The following MAGI2 variants were observed in gnomAD, a reference collection of about 807,000 sequenced individuals.
MAGI2 encodes the protein membrane-associated guanylate kinase, WW and PDZ domain-containing protein 2.
In MAGI2, 35 loss-of-function variants were observed where a neutral mutation model predicts 133.3. That is an observed-to-expected ratio of 0.26 (90% CI 0.20 to 0.35). MAGI2 has a LOEUF of 0.35. Ranked by LOEUF, MAGI2 falls within the 10% of genes least tolerant of loss-of-function variation. The pLI is 1.00. For synonymous variants in MAGI2, 729 were observed against 710.6 expected, an observed-to-expected ratio of 1.03 and a Z score of -0.41; for missense variants, 1,636 against 1,863.4, an observed-to-expected ratio of 0.88 and a Z score of 2.25.
At chr7:78,669,472 A>G (rs1814067620) in intron 2 of MAGI2, among the ~76,000 whole-genome samples, 1 of 152,204 alleles carries the variant, frequency 6.6e-6, no homozygotes, top group Admixed American at 6.5e-5. Context: ...ATGGATTCAC[A>G]GCCAAATTCT....
At chr7:79,160,112 T>C (rs1824210656) in intron 1 of MAGI2, among the ~76,000 whole-genome samples, 1 of 152,100 alleles carries the variant, frequency 6.6e-6, no homozygotes, top group East Asian at 1.9e-4. Context: ...TATAGTCATG[T>C]TAAACCCTCT....
At chr7:78,070,644 ATTTTT>A (rs376515864) in intron 21 of MAGI2, among the ~76,000 whole-genome samples, 55,108 of 133,834 alleles carry the variant, frequency 0.41, 12,329 homozygotes, top group East Asian at 0.63. Flanking sequence ...ATATATATAT[ATTTTT>A]TTTTTTTTTT....
chr7:78,958,034 C>T (rs1802546821), intron 2 of MAGI2, among the ~76,000 whole-genome samples: 2 of 152,114 alleles, frequency 1.3e-5, no homozygotes, highest in South Asian at 2.1e-4. Flanking sequence ...CCGACTAAGC[C>T]ACCCAATTAA....
chr7:78,575,257 T>G (rs1162418629), intron 3 of MAGI2, among the ~76,000 whole-genome samples: 1 of 152,126 alleles, frequency 6.6e-6, no homozygotes, highest in Non-Finnish European at 1.5e-5. Context: ...AATAATAAAG[T>G]ATTGGATTAT....
chr7:79,193,411 C>G (rs1326735274), intron 1 of MAGI2, among the ~76,000 whole-genome samples: 1 of 151,844 alleles, frequency 6.6e-6, no homozygotes, highest in Non-Finnish European at 1.5e-5. Context: ...GAAATACAAA[C>G]AGTTGAATTA....
chr7:78,651,869 A>C (rs550786337), intron 2 of MAGI2, among the ~76,000 whole-genome samples: 1 of 152,214 alleles, frequency 6.6e-6, no homozygotes, highest in South Asian at 2.1e-4. Context: ...ACAACAACAA[A>C]GACCTCAGAA....
intron 1 of MAGI2, among the ~76,000 whole-genome samples, chr7:79,197,479 A>C (rs1828185121): frequency 6.6e-6 from 1 of 152,010 alleles, no homozygotes; most frequent in African/African-American, 2.4e-5. Flanking sequence ...CTCCAAGTCT[A>C]GTTCTGCTCA....
At chr7:78,510,238 G>C (rs767200073) in intron 4 of MAGI2, among the ~76,000 whole-genome samples, 1 of 152,154 alleles carries the variant, frequency 6.6e-6, no homozygotes, top group Non-Finnish European at 1.5e-5. Context: ...GGCCACCTAG[G>C]TTTGAATCTG....
intron 1 of MAGI2, among the ~76,000 whole-genome samples, chr7:79,167,349 C>T (rs1162513022): frequency 6.9e-6 from 1 of 145,036 alleles, no homozygotes; most frequent in Non-Finnish European, 1.5e-5. Context: ...AAAACAGTCA[C>T]CTTTTTCCTT....
At chr7:78,697,095 C>G (rs1372902311) in intron 2 of MAGI2, among the ~76,000 whole-genome samples, 1 of 152,202 alleles carries the variant, frequency 6.6e-6, no homozygotes, top group Non-Finnish European at 1.5e-5. Flanking sequence ...TGGCTCTCCA[C>G]TCTCATTTCT....
intron 2 of MAGI2, among the ~76,000 whole-genome samples, chr7:78,974,659 T>C (rs1266485341): frequency 1.3e-5 from 2 of 151,822 alleles, no homozygotes; most frequent in Admixed American, 1.3e-4. Flanking sequence ...AATTTAGAAA[T>C]TTTTATTGTA....
intron 6 of MAGI2, among the ~76,000 whole-genome samples, chr7:78,476,408 A>G (rs905976984): frequency 1.3e-5 from 2 of 152,004 alleles, no homozygotes; most frequent in African/African-American, 4.8e-5. Context: ...CTTAATGAAC[A>G]CAAATACTGG....
At chr7:78,347,656 T>C (rs894567364) in intron 7 of MAGI2, among the ~76,000 whole-genome samples, 7 of 152,208 alleles carry the variant, frequency 4.6e-5, no homozygotes, top group African/African-American at 1.7e-4. Flanking sequence ...TTTTCATCCA[T>C]AAGAAAGGCT....
chr7:78,274,988 G>T (rs2150995620), intron 9 of MAGI2, among the ~76,000 whole-genome samples: 1 of 144,438 alleles, frequency 6.9e-6, no homozygotes, highest in Non-Finnish European at 1.5e-5. Flanking sequence ...GTTCCACTGG[G>T]GTATGAAAAA....
chr7:79,179,193 T>C (rs373113126), intron 1 of MAGI2, among the ~76,000 whole-genome samples: 10 of 152,120 alleles, frequency 6.6e-5, no homozygotes, highest in African/African-American at 2.4e-4. Flanking sequence ...TTCAAATCTT[T>C]TTTCTGAAAA....
intron 2 of MAGI2, among the ~76,000 whole-genome samples, chr7:78,935,635 G>A (rs1381840282): frequency 6.6e-6 from 1 of 152,028 alleles, no homozygotes; most frequent in Non-Finnish European, 1.5e-5. Context: ...ATGGAAAGTT[G>A]ACATTGAAAT....
chr7:78,789,149 AC>A (rs1471024463), intron 2 of MAGI2, among the ~76,000 whole-genome samples: 1 of 152,208 alleles, frequency 6.6e-6, no homozygotes, highest in Non-Finnish European at 1.5e-5. Context: ...ATTGTAAGCT[AC>A]TGAAGGACAA....
At chr7:78,308,018 G>C (rs543159374) in intron 9 of MAGI2, among the ~76,000 whole-genome samples, 3 of 152,292 alleles carry the variant, frequency 2.0e-5, no homozygotes, top group Admixed American at 6.5e-5. Context: ...TTAAATTCCA[G>C]TTAGGTCATT....
At chr7:78,335,968 A>G (rs1410240855) in intron 9 of MAGI2, among the ~76,000 whole-genome samples, 1 of 152,200 alleles carries the variant, frequency 6.6e-6, no homozygotes, top group Non-Finnish European at 1.5e-5. Context: ...TTTCTAAAAG[A>G]AAGTAAATAT....
Sources: gnomAD v4.1 joint callset for allele counts (sites outside exome capture counted in the v4.1 genomes callset) on GRCh38, gnomAD v4.1.1 for gene constraint, MANE v1.5 for transcripts, NCBI Gene and HGNC (gene_info 2026-07-23, HGNC 2026-07-21) for gene names.